Variants in MIER1 observed in about 807,000 individuals in gnomAD.
MIER1 encodes MIER1 transcriptional regulator.
Under a neutral mutation model 75.7 loss-of-function variants are expected in MIER1, and 40 were observed. The ratio of observed to expected loss-of-function variants is 0.53; its 90% CI spans 0.41 to 0.69. MIER1 has a LOEUF of 0.69. Ranked by LOEUF, MIER1 falls within the 30% of genes least tolerant of loss-of-function variation. MIER1 has a pLI of 0.00. For missense variants in MIER1, 574 were observed against 680.2 expected, an observed-to-expected ratio of 0.84 and a Z score of 1.74; for synonymous variants, 213 against 223.4, an observed-to-expected ratio of 0.95 and a Z score of 0.42.
In MIER1 at chr1:66,951,740, T is replaced by A. The variant is rs371641760; in HGVS notation, c.339+5445T>A. 5.9e-5 allele frequency among the ~76,000 whole-genome samples: 9 copies of A among 152,298 alleles called. No homozygotes were observed. In the East Asian group the frequency reaches 1.5e-3, roughly 26 times the overall value. ...GACTGCAAGTGCATGCCACCGTGCC[T>A]GGCTACATTCCTGTATTTTTATTCA... On this transcript the variant is annotated intron_variant, in intron 4 of 13. Transcript: ENST00000401041.
Position 66,966,310 on chromosome 1 carries a change from T to C in MIER1, c.772+3150T>C, listed in dbSNP as rs531798882. On this transcript the variant is annotated intron_variant, in intron 8 of 13. Coordinates refer to ENST00000401041, the MANE Select transcript of MIER1 (RefSeq NM_001077700.3). Reference sequence around the variant, plus strand: ...GTTTGGTTTTTTGTCCTTGCGATAGTTTGCTGAGAATGATGGTTTCCAGCT... The same window carrying C: ...GTTTGGTTTTTTGTCCTTGCGATAGCTTGCTGAGAATGATGGTTTCCAGCT... Among the ~76,000 whole-genome samples the C allele has an allele frequency of 1.1e-4, 16 of 152,284 alleles. No homozygotes were observed. The East Asian group carries it at 2.7e-3, about 26-fold the overall frequency.
rs375182152 is a variant in MIER1, at chr1:66,940,102, C to T, written c.193+50C>T. On this transcript the variant is annotated intron_variant, in intron 3 of 13. Coordinates refer to ENST00000401041, the MANE Select transcript of MIER1 (RefSeq NM_001077700.3). ...AATCTCGATTTGAGTAACATTTGTC[C>T]TACTAGTTGCATAAAGACTAGAGGA... The T allele has an allele frequency of 6.3e-5, 87 of 1,374,564 alleles. 1 individual carries two copies. Among genetic ancestry groups the T allele is most frequent in the Non-Finnish European group, 8.6e-5 (83 of 964,730 alleles). The allele number at this position is 1,374,564 out of a possible 1,614,324, so 85.1% of individuals were successfully genotyped here.
chr1:66,986,634 A>AC lies in MIER1; in HGVS notation c.*1735dup, dbSNP rs1666819000. 2 of 598,040 alleles carry AC rather than the reference A, an allele frequency of 3.3e-6. No homozygotes were observed. Among genetic ancestry groups the AC allele is most frequent in the East Asian group, 5.5e-5 (2 of 36,596 alleles). The allele number at this position is 598,040 out of a possible 1,614,324, so 37.0% of individuals were successfully genotyped here. On this transcript the variant is annotated 3_prime_UTR_variant, in exon 14 of 14. Transcript: ENST00000401041. ...CAATGTGAACAACTTTTTTTCCCAA[A>AC]CAGTGTTAAAAGCCACTTTGCAACA...
intron 1 of MIER1, chr1:66,925,499 C>A: frequency 1.0e-6 from 1 of 985,454 alleles, no homozygotes; most frequent in Non-Finnish European, 1.2e-6. Flanking sequence ...TGTGTCCCAT[C>A]CCCGGGAGGC....
intron 7 of MIER1, among the ~76,000 whole-genome samples, chr1:66,962,746 G>A (rs187322302): frequency 8.1e-4 from 123 of 152,264 alleles, no homozygotes; most frequent in African/African-American, 2.8e-3. Flanking sequence ...TGTCTTAAGT[G>A]TAGATACTCT....
rs1346397272 is a variant in MIER1, at chr1:66,985,321, A to T, written c.*421A>T. 4.1e-6 allele frequency: 4 copies of T among 985,472 alleles called. No individual in the cohort carries two copies. The South Asian group carries it at 1.9e-4, about 46-fold the overall frequency. 61.0% of individuals were successfully genotyped at this position (985,472 alleles called of 1,614,324 possible). A position where few individuals can be genotyped will look rare whatever the true frequency, so the allele number is the denominator to read the frequency against. Reference sequence around the variant, plus strand: ...AAACTCAAGTCCAAATTTCTGCTTAATACCAATTTCTCTGAGTTTCTTGAA... The same window carrying T: ...AAACTCAAGTCCAAATTTCTGCTTATTACCAATTTCTCTGAGTTTCTTGAA... On this transcript the variant is annotated 3_prime_UTR_variant, in exon 14 of 14. Coordinates refer to ENST00000401041, the MANE Select transcript of MIER1 (RefSeq NM_001077700.3).
At chr1:66,941,744 A>T (rs922076871) in intron 3 of MIER1, among the ~76,000 whole-genome samples, 2 of 152,100 alleles carry the variant, frequency 1.3e-5, no homozygotes, top group African/African-American at 2.4e-5. Context: ...GCCAAGACGG[A>T]TGGATCACTT....
chr1:66,981,720 T>G (rs912047306), intron 12 of MIER1, 59 bp from the exon 13 acceptor site: 1 of 1,394,772 alleles, frequency 7.2e-7, no homozygotes, highest in Admixed American at 2.1e-5. Context: ...GAATTTAACC[T>G]CAACTAATTT....
chr1:66,945,343 T>C lies in MIER1; in HGVS notation c.194-807T>C, dbSNP rs1657363836. Reference sequence around the variant, plus strand: ...AAATACCTAATATAGGTAAATGCTATGTAAATAGTTATACTGTGTTGTTTG... The same window carrying C: ...AAATACCTAATATAGGTAAATGCTACGTAAATAGTTATACTGTGTTGTTTG... On this transcript the variant is annotated intron_variant, in intron 3 of 13. Coordinates refer to ENST00000401041, the MANE Select transcript of MIER1 (RefSeq NM_001077700.3). Among the ~76,000 whole-genome samples the C allele has an allele frequency of 3.4e-5, 5 of 146,964 alleles. No individual in the cohort carries two copies. The Admixed American group carries it at 3.4e-4, about 10-fold the overall frequency.
At chr1:66,970,254 A>G (rs532197700) in intron 8 of MIER1, among the ~76,000 whole-genome samples, 70 of 152,354 alleles carry the variant, frequency 4.6e-4, no homozygotes, top group African/African-American at 1.7e-3. Context: ...TATATACATT[A>G]TACAACTCAA....
chr1:66,934,265 G>A (rs544597442), intron 2 of MIER1, among the ~76,000 whole-genome samples: 1 of 152,248 alleles, frequency 6.6e-6, no homozygotes, highest in Non-Finnish European at 1.5e-5. Context: ...TAAATCTTTT[G>A]ATCATAGAGA....
intron 2 of MIER1, among the ~76,000 whole-genome samples, chr1:66,930,806 C>G (rs1021521924): frequency 6.6e-6 from 1 of 152,132 alleles, no homozygotes; most frequent in Non-Finnish European, 1.5e-5. Context: ...CCGCGTCACC[C>G]CCATCCATTT....
At position 66,946,285 on chromosome 1, in the gene MIER1, A is replaced by T. The variant is rs1053563679; in HGVS notation, c.329A>T (p.Asp110Val). The stretch of plus-strand genomic sequence containing the variant: ...ACAAACTTCAGCTCTGAAATAGAAG[A>T]TCTTGCAAGGGTAAATAACATGTAG... ...GETNFSSEIE[D>V]LAREGDMPIH... The change falls in exon 4 of 14, where the codon GAT (aspartate) becomes GTT (valine). Residue 110 changes from aspartate to valine, a missense_variant. Physicochemically the swap from Asp to Val is radical, Grantham distance 152. Around this residue, in one of 3 missense-constraint regions of MIER1, gnomAD observed 309 missense variants for 352.8 expected, o/e 0.88. Coordinates refer to ENST00000401041, the MANE Select transcript of MIER1 (RefSeq NM_001077700.3). 8 of 1,607,216 alleles carry T rather than the reference A, an allele frequency of 5.0e-6. No homozygotes were observed. In the Admixed American group the frequency reaches 1.0e-4, roughly 21 times the overall value.
chr1:66,951,304 T>C (rs1313453821), intron 4 of MIER1, among the ~76,000 whole-genome samples: 2 of 152,184 alleles, frequency 1.3e-5, no homozygotes, highest in African/African-American at 4.8e-5. Flanking sequence ...AATTTTTTAT[T>C]TTTTTGTAGA....
Position 66,984,902 on chromosome 1 carries a change from T to A in MIER1, c.*2T>A, listed in dbSNP as rs1443601154. On this transcript the variant is annotated 3_prime_UTR_variant, in exon 14 of 14. Coordinates refer to ENST00000401041, the MANE Select transcript of MIER1 (RefSeq NM_001077700.3). ...GAACTTGAAAACACAGATGACTAAATTTTAGACCTATTTTACTTTCTTTGG... is the reference window on the plus strand; with the variant it reads ...GAACTTGAAAACACAGATGACTAAAATTTAGACCTATTTTACTTTCTTTGG... 2.5e-6 allele frequency: 4 copies of A among 1,574,498 alleles called. No individual in the cohort carries two copies. Among genetic ancestry groups the A allele is most frequent in the Non-Finnish European group, 3.4e-6 (4 of 1,166,196 alleles).
At position 66,985,018 on chromosome 1, in the gene MIER1, TCTTAA is replaced by T. The variant is rs1666597045; in HGVS notation, c.*122_*126del. 12 of 1,408,228 alleles carry T rather than the reference TCTTAA, an allele frequency of 8.5e-6. No individual in the cohort carries two copies. Among genetic ancestry groups the T allele is most frequent in the Non-Finnish European group, 1.0e-5 (11 of 1,081,088 alleles). The allele number at this position is 1,408,228 out of a possible 1,614,324, so 87.2% of individuals were successfully genotyped here. On this transcript the variant is annotated 3_prime_UTR_variant, in exon 14 of 14. Transcript: ENST00000401041. ...AAGCAGTTTGAAAATTTGAATTGAGTCTTAACTTTAGGAAATGAGGTTTCATAATT... is the reference window on the plus strand; with the variant it reads ...AAGCAGTTTGAAAATTTGAATTGAGTCTTTAGGAAATGAGGTTTCATAATT...
chr1:66,979,639 A>G (rs1247017368), intron 12 of MIER1, among the ~76,000 whole-genome samples: 1 of 152,188 alleles, frequency 6.6e-6, no homozygotes, highest in Non-Finnish European at 1.5e-5. Context: ...TTTCCTGAAT[A>G]TTCTGGATGC....
At chr1:66,964,271 C>T (rs1018028578) in intron 8 of MIER1, among the ~76,000 whole-genome samples, 40 of 150,622 alleles carry the variant, frequency 2.7e-4, no homozygotes, top group Non-Finnish European at 4.7e-4. Context: ...GATAGGGTTT[C>T]GCCATGTTGG....
At position 66,925,081 on chromosome 1, in the gene MIER1, G is replaced by A. The variant is rs1207243087; in HGVS notation, c.53G>A (p.Ser18Asn). The A allele has an allele frequency of 1.9e-6, 3 of 1,546,690 alleles. No homozygotes were observed. The highest frequency in any genetic ancestry group is 1.4e-5 in the African/African-American group (1 of 72,808). The change falls in exon 1 of 14, where the codon AGC (serine) becomes AAC (asparagine). Residue 18 changes from serine (S) to asparagine (N), a missense_variant. Physicochemically the swap from Ser to Asn is conservative, Grantham distance 46. Coordinates refer to ENST00000401041, the MANE Select transcript of MIER1 (RefSeq NM_001077700.3). Reference sequence around the variant, plus strand: ...GGCAGCAGCGAAGGTGGCGGCGGCAGCAGCGGCAGCGGCTGTAAGTGCAGC... The same window carrying A: ...GGCAGCAGCGAAGGTGGCGGCGGCAACAGCGGCAGCGGCTGTAAGTGCAGC... The part of the protein sequence containing the change: ...GGGSSEGGGG[S>N]SGSGYGVVAR...
Sources: allele counts gnomAD v4.1 joint callset (sites outside exome capture counted in the v4.1 genomes callset), GRCh38; gene constraint gnomAD v4.1.1; regional missense constraint gnomAD v4.1.1; transcripts MANE v1.5; gene names NCBI Gene and HGNC (gene_info 2026-07-23, HGNC 2026-07-21).